The following USP24 variants were observed in gnomAD, a reference collection of about 807,000 sequenced individuals.
USP24 encodes the protein ubiquitin specific peptidase 24.
In USP24, 97 loss-of-function variants were observed where a neutral mutation model predicts 361.6. The ratio of observed to expected loss-of-function variants is 0.27; its 90% CI spans 0.23 to 0.32. The LOEUF (loss-of-function observed/expected upper bound fraction) is 0.32. Ranked by LOEUF, USP24 falls within the 10% of genes least tolerant of loss-of-function variation. The pLI, the probability that USP24 is intolerant of heterozygous loss-of-function variation, is 1.00. For missense variants in USP24, 2,353 were observed against 3,165.6 expected, an observed-to-expected ratio of 0.74 and a Z score of 6.16; for synonymous variants, 1,098 against 1,124.6, an observed-to-expected ratio of 0.98 and a Z score of 0.47.
At position 55,143,118 on chromosome 1, in the gene USP24, T is replaced by A. The variant is rs761788776; in HGVS notation, c.2441A>T (p.Tyr814Phe). 6.7e-7 allele frequency: 1 copy of A among 1,496,774 alleles called. No homozygotes were observed. Among genetic ancestry groups the A allele is most frequent in the Non-Finnish European group, 8.8e-7 (1 of 1,130,400 alleles). The allele number at this position is 1,496,774 out of a possible 1,614,324, so 92.7% of individuals were successfully genotyped here. A position where few individuals can be genotyped will look rare whatever the true frequency, so the allele number is the denominator to read the frequency against. Reference sequence around the variant, plus strand: ...TCCTATCAATTCCAGCTTTTCTACATACTGTTCAAAAGAAAAAAAATTAAA... The same window carrying A: ...TCCTATCAATTCCAGCTTTTCTACAAACTGTTCAAAAGAAAAAAAATTAAA... Reference protein sequence around the residue: ...HRLKRQGAQLYVEKLELIGMD... With the variant: ...HRLKRQGAQLFVEKLELIGMD... Residue 814 changes from tyrosine to phenylalanine, a missense_variant and splice_region_variant, in exon 22 of 68, where the codon TAT (tyrosine) becomes TTT (phenylalanine). Around this residue, in one of 8 missense-constraint regions of USP24, gnomAD observed 949 missense variants for 1,280.5 expected, o/e 0.74. Transcript: ENST00000294383.
chr1:55,070,573 G>A (rs1415373942), intron 67 of USP24, among the ~76,000 whole-genome samples: 1 of 152,242 alleles, frequency 6.6e-6, no homozygotes, highest in African/African-American at 2.4e-5. Context: ...AGAAGAGGGA[G>A]TTAGCAGGGA....
At chr1:55,110,058 T>G in intron 39 of USP24, 127 bp downstream of exon 39, 3 of 752,114 alleles carry the variant, frequency 4.0e-6, no homozygotes, top group Non-Finnish European at 6.0e-6. Flanking sequence ...GAAAACAAGG[T>G]TCAACTTCAA....
In USP24 at chr1:55,070,713, G is replaced by A. The variant is rs142116310; in HGVS notation, c.7800+1101C>T. On this transcript the variant is annotated intron_variant, in intron 67 of 67. Coordinates refer to ENST00000294383, the MANE Select transcript of USP24 (RefSeq NM_015306.3). ...GGAGAAGAGAGGCTTTGACAGGGCA[G>A]AAGAGAGGCTTTGACAGGGCAGAAG... Among the ~76,000 whole-genome samples the A allele has an allele frequency of 9.8e-3, 1,495 of 152,348 alleles. 12 individuals carry two copies. Among genetic ancestry groups the A allele is most frequent in the Non-Finnish European group, 0.014 (979 of 68,024 alleles).
chr1:55,072,724 C>A, intron 65 of USP24, 62 bp downstream of exon 65: 1 of 1,469,376 alleles, frequency 6.8e-7, no homozygotes. Context: ...GAGATTTTTC[C>A]TGACAAGATG....
intron 43 of USP24, 39 bp downstream of exon 43, chr1:55,101,545 T>C (rs1645635180): frequency 6.4e-7 from 1 of 1,571,054 alleles, no homozygotes; most frequent in Non-Finnish European, 8.6e-7. Context: ...AACGCACGTA[T>C]TATCTATCGT....
intron 43 of USP24, among the ~76,000 whole-genome samples, 173 bp downstream of exon 43, chr1:55,101,411 A>G (rs940745525): frequency 2.0e-5 from 3 of 152,146 alleles, no homozygotes; most frequent in Non-Finnish European, 2.9e-5. Flanking sequence ...CAGCAACTTT[A>G]TAAAAATGTG....
chr1:55,194,605 AAAAAAAG>A (rs1644370423), intron 1 of USP24, among the ~76,000 whole-genome samples: 1 of 152,136 alleles, frequency 6.6e-6, no homozygotes, highest in Non-Finnish European at 1.5e-5. Context: ...CTGTCTCAAA[AAAAAAAG>A]AAAAAAGAAA....
intron 28 of USP24, among the ~76,000 whole-genome samples, chr1:55,136,559 G>T (rs1400920863): frequency 6.6e-6 from 1 of 152,178 alleles, no homozygotes; most frequent in African/African-American, 2.4e-5. Flanking sequence ...TGCCAGGTGA[G>T]GCATGGTGAT....
At chr1:55,153,802 G>C (rs1647343304) in intron 16 of USP24, 68 bp downstream of exon 16, 2 of 1,366,428 alleles carry the variant, frequency 1.5e-6, no homozygotes, top group Non-Finnish European at 2.0e-6. Flanking sequence ...TAAAATTGTG[G>C]TGTAATTTAT....
intron 53 of USP24, among the ~76,000 whole-genome samples, chr1:55,092,392 A>G (rs1037422199): frequency 6.6e-6 from 1 of 152,230 alleles, no homozygotes; most frequent in African/African-American, 2.4e-5. Context: ...ATGTTAAGTC[A>G]TCAAGAGACT....
chr1:55,185,381 GAA>G (rs144591894), intron 1 of USP24, among the ~76,000 whole-genome samples: 3,720 of 151,154 alleles, frequency 0.025, 54 homozygotes, highest in Non-Finnish European at 0.037. Context: ...CAAGCAGAAG[GAA>G]ACAGAAAAGA....
Position 55,214,915 on chromosome 1 carries a change from CG to C in USP24, c.198del (p.Gly67AlafsTer70). 1 of 1,295,900 alleles carries C rather than the reference CG, an allele frequency of 7.7e-7. No individual in the cohort carries two copies. Among genetic ancestry groups the C allele is most frequent in the Non-Finnish European group, 9.9e-7 (1 of 1,013,796 alleles). The allele number at this position is 1,295,900 out of a possible 1,614,324, so 80.3% of individuals were successfully genotyped here. ...CCGCCGTCGCCCCGCGGGCCCCCGC[CG>C]GGCCCGGGGCTGGGGCCACCGCCGC... ...MDSGGGPSPG[P>X]GGGPRGDGGG... On this transcript the variant is annotated frameshift_variant, in exon 1 of 68. Transcript: ENST00000294383. LOFTEE classifies it high-confidence loss of function.
chr1:55,164,354 A>T lies in USP24; in HGVS notation c.927+1531T>A, dbSNP rs1373975369. Among the ~76,000 whole-genome samples the T allele has an allele frequency of 3.3e-5, 5 of 152,070 alleles. No homozygotes were observed. The East Asian group carries it at 9.6e-4, about 29-fold the overall frequency. ...TGGGGATCAGGAAGAAGGATGAGCA[A>T]CAACTTTCATTTCTTGTTTTGTATA... is the stretch of plus-strand genomic sequence containing the variant. On this transcript the variant is annotated intron_variant, in intron 7 of 67. Transcript: ENST00000294383.
chr1:55,150,145 A>C (rs1372020588), intron 16 of USP24, among the ~76,000 whole-genome samples: 1 of 152,228 alleles, frequency 6.6e-6, no homozygotes, highest in Non-Finnish European at 1.5e-5. Context: ...CAAGCACACA[A>C]AACTCCATAT....
In USP24 at chr1:55,134,071, T is replaced by G; in HGVS notation, c.3380A>C (p.Lys1127Thr). 2 of 1,613,230 alleles carry G rather than the reference T, an allele frequency of 1.2e-6. No individual in the cohort carries two copies. The highest frequency in any genetic ancestry group is 8.5e-7 in the Non-Finnish European group (1 of 1,179,532). Residue 1127 changes from lysine (K) to threonine (T), a missense_variant and splice_region_variant, in exon 30 of 68, where the codon AAG becomes ACG. Physicochemically the swap from Lys to Thr is moderately conservative, Grantham distance 78. Around this residue, in one of 8 missense-constraint regions of USP24, gnomAD observed 949 missense variants for 1,280.5 expected, o/e 0.74. Coordinates refer to ENST00000294383, the MANE Select transcript of USP24 (RefSeq NM_015306.3). Reference protein sequence around the residue: ...ALDQLDSLGRKKTLLSESSSQ... With the variant: ...ALDQLDSLGRTKTLLSESSSQ... The stretch of plus-strand genomic sequence containing the variant: ...ATGCTAGTTAAAAAATACTCATACC[T>G]TTCTTCCTAAAGAATCAAGTTGATC...
At chr1:55,177,062 G>A (rs1348180050) in intron 2 of USP24, among the ~76,000 whole-genome samples, 1 of 150,192 alleles carries the variant, frequency 6.7e-6, no homozygotes. Flanking sequence ...TTGCACTGCA[G>A]CCTAAGCAAC....
At chr1:55,150,881 G>A (rs780204171) in intron 16 of USP24, among the ~76,000 whole-genome samples, 14 of 152,190 alleles carry the variant, frequency 9.2e-5, no homozygotes, top group Non-Finnish European at 1.8e-4. Context: ...ACAGAGTGGA[G>A]ATTTCATAAG....
At chr1:55,197,054 C>T (rs188805611) in intron 1 of USP24, among the ~76,000 whole-genome samples, 44 of 152,322 alleles carry the variant, frequency 2.9e-4, no homozygotes, top group African/African-American at 9.4e-4. Flanking sequence ...AGTTGAATAG[C>T]TACAACAGAG....
intron 9 of USP24, 29 bp downstream of exon 9, chr1:55,159,582 G>A (rs1246772815): frequency 2.6e-6 from 4 of 1,544,286 alleles, no homozygotes; most frequent in African/African-American, 1.4e-5. Flanking sequence ...ACTGGCACTG[G>A]GGCCTATCTG....
Sources: allele counts gnomAD v4.1 joint callset (sites outside exome capture counted in the v4.1 genomes callset), GRCh38; gene constraint gnomAD v4.1.1; regional missense constraint gnomAD v4.1.1; transcripts MANE v1.5; gene names NCBI Gene and HGNC (gene_info 2026-07-23, HGNC 2026-07-21).